The following SPTBN1 variants were observed in gnomAD, a reference collection of about 807,000 sequenced individuals.
The protein encoded by SPTBN1 is spectrin beta chain, non-erythrocytic 1.
Under a neutral mutation model 266.4 loss-of-function variants are expected in SPTBN1, and 32 were observed. The observed-to-expected ratio is 0.12, with a 90% CI of 0.09 to 0.16. SPTBN1 has a LOEUF of 0.16. Ranked by LOEUF, SPTBN1 falls within the 10% of genes least tolerant of loss-of-function variation. SPTBN1 has a pLI of 1.00. For missense variants in SPTBN1, 2,296 were observed against 3,067.1 expected, an observed-to-expected ratio of 0.75 and a Z score of 5.94; for synonymous variants, 1,336 against 1,162.2, an observed-to-expected ratio of 1.15 and a Z score of -3.04.
chr2:54,536,378 ATCT>A (rs1280658089), intron 2 of SPTBN1, among the ~76,000 whole-genome samples: 1 of 152,228 alleles, frequency 6.6e-6, no homozygotes, highest in Non-Finnish European at 1.5e-5. Context: ...TTTAACCTCC[ATCT>A]TCAGTGATAC....
At chr2:54,596,569 C>G (rs1424229093) in intron 2 of SPTBN1, among the ~76,000 whole-genome samples, 1 of 152,152 alleles carries the variant, frequency 6.6e-6, no homozygotes, top group African/African-American at 2.4e-5. Context: ...AACTTAGACC[C>G]TGCGTGATTT....
At chr2:54,557,515 A>C (rs1341394237) in intron 2 of SPTBN1, among the ~76,000 whole-genome samples, 2 of 152,100 alleles carry the variant, frequency 1.3e-5, no homozygotes, top group East Asian at 3.9e-4. Context: ...GTGGGAGAAG[A>C]AGCTGGGAAG....
chr2:54,632,623 A>G lies in SPTBN1; in HGVS notation c.3622A>G (p.Ile1208Val), dbSNP rs373637029. 4 of 1,614,120 alleles carry G rather than the reference A, an allele frequency of 2.5e-6. No individual in the cohort carries two copies. The highest frequency in any genetic ancestry group is 3.4e-6 in the Non-Finnish European group (4 of 1,180,052). Residue 1208 changes from isoleucine (I) to valine (V), a missense_variant, in exon 17 of 36, where the codon ATT (isoleucine) becomes GTT (valine). Around this residue, in one of 12 missense-constraint regions of SPTBN1, gnomAD observed 386 missense variants for 486.1 expected, o/e 0.79. Coordinates refer to ENST00000356805, the MANE Select transcript of SPTBN1 (RefSeq NM_003128.3). Reference protein sequence around the residue: ...PTTLEGAEAAIKKQEDFMTTM... With the variant: ...PTTLEGAEAAVKKQEDFMTTM... The stretch of plus-strand genomic sequence containing the variant: ...CACCTTGGAAGGAGCTGAAGCAGCA[A>G]TTAAAAAGCAAGAGGACTTCATGAC...
chr2:54,640,740 C>T (rs531409666), intron 18 of SPTBN1, among the ~76,000 whole-genome samples: 6 of 152,294 alleles, frequency 3.9e-5, no homozygotes, highest in African/African-American at 1.2e-4. Flanking sequence ...TTAGTAGAGA[C>T]GAGGTTTCAC....
At chr2:54,512,882 T>C (rs1199595582) in intron 1 of SPTBN1, among the ~76,000 whole-genome samples, 1 of 152,216 alleles carries the variant, frequency 6.6e-6, no homozygotes, top group Non-Finnish European at 1.5e-5. Context: ...TTAGGTGCCA[T>C]GCTGGTTACT....
intron 1 of SPTBN1, among the ~76,000 whole-genome samples, chr2:54,505,529 G>A (rs1669508545): frequency 6.6e-6 from 1 of 152,122 alleles, no homozygotes; most frequent in Non-Finnish European, 1.5e-5. Context: ...CCTGCCTGCT[G>A]GGAAATCTGT....
chr2:54,492,336 C>CGG (rs1206247250), intron 1 of SPTBN1, among the ~76,000 whole-genome samples: 3 of 115,106 alleles, frequency 2.6e-5, no homozygotes, highest in African/African-American at 5.8e-5. Flanking sequence ...AGTTTGTCTG[C>CGG]AGTTGTTTTT....
intron 3 of SPTBN1, among the ~76,000 whole-genome samples, chr2:54,610,277 T>TA (rs773281593): frequency 6.6e-6 from 1 of 152,244 alleles, no homozygotes; most frequent in Non-Finnish European, 1.5e-5. Context: ...TTGCTGGTGT[T>TA]ACATTCTCCA....
intron 2 of SPTBN1, among the ~76,000 whole-genome samples, chr2:54,559,465 T>C (rs1377287604): frequency 1.3e-5 from 2 of 152,264 alleles, no homozygotes; most frequent in African/African-American, 4.8e-5. Flanking sequence ...AAGCCGGTTA[T>C]TGTCATTTCA....
chr2:54,493,762 C>G (rs1668817230), intron 1 of SPTBN1, among the ~76,000 whole-genome samples: 1 of 152,188 alleles, frequency 6.6e-6, no homozygotes, highest in Admixed American at 6.5e-5. Context: ...GACTAAGTGC[C>G]AACATAGATA....
At position 54,643,096 on chromosome 2, in the gene SPTBN1, A is replaced by C. The variant is rs774372825; in HGVS notation, c.3972A>C (p.Ala1324=). Residue 1324 remains alanine (A), a synonymous_variant, in exon 19 of 36, where the codon GCA becomes GCC. Coordinates refer to ENST00000356805, the MANE Select transcript of SPTBN1 (RefSeq NM_003128.3). The part of the protein sequence containing the change: ...LKHQAFMAEL[A]SNKEWLDKIE... ...ATCAAGCATTTATGGCAGAACTTGC[A>C]TCCAACAAAGAATGGCTTGACAAAA... 6.2e-7 allele frequency: 1 copy of C among 1,614,216 alleles called. No individual in the cohort carries two copies. The highest frequency in any genetic ancestry group is 8.5e-7 in the Non-Finnish European group (1 of 1,180,028).
intron 31 of SPTBN1, 120 bp downstream of exon 31, chr2:54,659,386 T>A: frequency 1.1e-6 from 1 of 935,662 alleles, no homozygotes; most frequent in Non-Finnish European, 1.7e-6. Context: ...TACTGATTGC[T>A]TCCATAGACT....
intron 32 of SPTBN1, chr2:54,661,305 A>T: frequency 2.0e-6 from 2 of 985,896 alleles, no homozygotes; most frequent in Non-Finnish European, 2.4e-6. Flanking sequence ...AATCCATATT[A>T]TACATCAAAA....
chr2:54,577,277 A>G (rs1674557058), intron 2 of SPTBN1, among the ~76,000 whole-genome samples: 1 of 152,180 alleles, frequency 6.6e-6, no homozygotes, highest in Non-Finnish European at 1.5e-5. Context: ...AGGCCCCTGC[A>G]AATAAATGCA....
intron 1 of SPTBN1, among the ~76,000 whole-genome samples, chr2:54,522,683 G>GAA (rs1330229879): frequency 1.0e-5 from 1 of 99,178 alleles, no homozygotes; most frequent in African/African-American, 5.3e-5. Flanking sequence ...AGAGAGGAGA[G>GAA]AGAGAGAGAG....
At position 54,668,701 on chromosome 2, in the gene SPTBN1, A is replaced by G; in HGVS notation, c.*132A>G. The G allele has an allele frequency of 2.9e-6, 2 of 690,922 alleles. No homozygotes were observed. Among genetic ancestry groups the G allele is most frequent in the South Asian group, 3.9e-5 (2 of 51,948 alleles). 42.8% of individuals were successfully genotyped at this position (690,922 alleles called of 1,614,324 possible). A position where few individuals can be genotyped will look rare whatever the true frequency, so the allele number is the denominator to read the frequency against. The stretch of plus-strand genomic sequence containing the variant: ...GTTGATTTTTTTTTTTTTTTAATTT[A>G]TAGAGCATTTCGGGGGGGGTGGGGG... On this transcript the variant is annotated 3_prime_UTR_variant, in exon 36 of 36. Coordinates refer to ENST00000356805, the MANE Select transcript of SPTBN1 (RefSeq NM_003128.3).
intron 2 of SPTBN1, among the ~76,000 whole-genome samples, chr2:54,530,215 C>T (rs1270689174): frequency 6.6e-6 from 1 of 152,040 alleles, no homozygotes; most frequent in African/African-American, 2.4e-5. Flanking sequence ...ATAGTGGAAC[C>T]ACCACCTGTG....
chr2:54,482,357 G>GA (rs66491029), intron 1 of SPTBN1, among the ~76,000 whole-genome samples: 40,076 of 143,102 alleles, frequency 0.28, 5,719 homozygotes, highest in East Asian at 0.37. Context: ...TCTACAGCAG[G>GA]AAAAAAAAAA....
chr2:54,490,891 G>T (rs1668651763), intron 1 of SPTBN1, among the ~76,000 whole-genome samples: 2 of 152,206 alleles, frequency 1.3e-5, no homozygotes. Context: ...GCTGTGGCTG[G>T]AATAAAGAGG....
Sources: gnomAD v4.1 joint callset for allele counts (sites outside exome capture counted in the v4.1 genomes callset) on GRCh38, gnomAD v4.1.1 for gene constraint, gnomAD v4.1.1 regional missense constraint, MANE v1.5 for transcripts, NCBI Gene and HGNC (gene_info 2026-07-23, HGNC 2026-07-21) for gene names.